Variants in KCNH1 observed in about 807,000 individuals in gnomAD.
The protein encoded by KCNH1 is potassium voltage-gated channel subfamily H member 1.
Under a neutral mutation model 69.2 loss-of-function variants are expected in KCNH1, and 27 were observed. The observed-to-expected ratio is 0.39, with a 90% CI of 0.29 to 0.54. The LOEUF (loss-of-function observed/expected upper bound fraction) is 0.54. Ranked by LOEUF, KCNH1 falls within the 20% of genes least tolerant of loss-of-function variation. KCNH1 has a pLI of 0.68. For synonymous variants in KCNH1, 456 were observed against 487.7 expected, an observed-to-expected ratio of 0.93 and a Z score of 0.86; for missense variants, 798 against 1,261.6, an observed-to-expected ratio of 0.63 and a Z score of 5.57.
At chr1:210,718,253 A>G (rs1413925295) in intron 10 of KCNH1, among the ~76,000 whole-genome samples, 1 of 40,932 alleles carries the variant, frequency 2.4e-5, no homozygotes, top group Non-Finnish European at 4.7e-5. Flanking sequence ...TAAGTCTTCT[A>G]TAAATATTAT....
chr1:211,072,291 A>G (rs1033266591), intron 5 of KCNH1, among the ~76,000 whole-genome samples: 2 of 152,178 alleles, frequency 1.3e-5, no homozygotes, highest in Non-Finnish European at 2.9e-5. Flanking sequence ...AAAAAAAGGA[A>G]AAATAGACTT....
intron 1 of KCNH1, among the ~76,000 whole-genome samples, chr1:211,123,856 A>C (rs904695581): frequency 2.6e-5 from 4 of 152,132 alleles, no homozygotes; most frequent in Admixed American, 2.6e-4. Flanking sequence ...GGAGATACAA[A>C]AAGAGAAGAA....
chr1:210,889,515 C>T (rs1391330795), intron 7 of KCNH1, among the ~76,000 whole-genome samples: 1 of 152,216 alleles, frequency 6.6e-6, no homozygotes, highest in Non-Finnish European at 1.5e-5. Flanking sequence ...TGCCCTCTCT[C>T]ACCACTCCTA....
At chr1:210,895,167 T>G (rs1558515333) in intron 7 of KCNH1, among the ~76,000 whole-genome samples, 1 of 151,998 alleles carries the variant, frequency 6.6e-6, no homozygotes, top group Non-Finnish European at 1.5e-5. Flanking sequence ...GTTTCCTTTT[T>G]TTTTTTTCAG....
intron 7 of KCNH1, chr1:210,862,250 C>T: frequency 1.9e-6 from 2 of 1,072,536 alleles, no homozygotes; most frequent in South Asian, 2.5e-5. Context: ...TCCATGGTGC[C>T]CCGCAGGGCC....
chr1:211,014,421 A>G (rs1019866759), intron 6 of KCNH1, among the ~76,000 whole-genome samples: 10 of 152,198 alleles, frequency 6.6e-5, no homozygotes, highest in African/African-American at 2.4e-4. Context: ...ACAGATTATT[A>G]CCAACAGACC....
chr1:210,732,667 T>G (rs970493673), intron 10 of KCNH1, among the ~76,000 whole-genome samples: 6 of 152,338 alleles, frequency 3.9e-5, no homozygotes, highest in African/African-American at 1.4e-4. Context: ...CTCACACTTC[T>G]GGAGGCTGGG....
At chr1:210,931,495 T>C (rs909642452) in intron 6 of KCNH1, among the ~76,000 whole-genome samples, 1 of 151,922 alleles carries the variant, frequency 6.6e-6, no homozygotes, top group Non-Finnish European at 1.5e-5. Flanking sequence ...GAATGATACA[T>C]TGGACTTTGG....
intron 7 of KCNH1, among the ~76,000 whole-genome samples, chr1:210,873,526 T>C (rs1315128147): frequency 1.3e-5 from 2 of 151,930 alleles, no homozygotes; most frequent in African/African-American, 4.8e-5. Context: ...TTTTTTTTAC[T>C]TTTTGTAGAG....
intron 7 of KCNH1, among the ~76,000 whole-genome samples, chr1:210,844,827 C>T (rs1358730327): frequency 6.6e-6 from 1 of 152,062 alleles, no homozygotes; most frequent in Non-Finnish European, 1.5e-5. Flanking sequence ...TGATAGATCG[C>T]TAGCAAGACT....
At chr1:211,124,573 C>T (rs1291991427) in intron 1 of KCNH1, among the ~76,000 whole-genome samples, 3 of 152,064 alleles carry the variant, frequency 2.0e-5, no homozygotes, top group East Asian at 3.9e-4. Context: ...GCCGAGATCG[C>T]GCCACTGCAC....
In KCNH1 at chr1:210,760,792, T is replaced by C. The variant is rs1044907384; in HGVS notation, c.2112+14556A>G. Among the ~76,000 whole-genome samples, 5 of 152,170 alleles carry C rather than the reference T, an allele frequency of 3.3e-5. No homozygotes were observed. The East Asian group carries it at 9.7e-4, about 29-fold the overall frequency. On this transcript the variant is annotated intron_variant, in intron 10 of 10. Transcript: ENST00000271751. ...AAACCATCAGATCTCATGAGACTTA[T>C]TCACTATCATGAGAACAGCAAGGGA... is the stretch of plus-strand genomic sequence containing the variant.
At chr1:210,720,793 T>C (rs146537209) in intron 10 of KCNH1, among the ~76,000 whole-genome samples, 76 of 152,314 alleles carry the variant, frequency 5.0e-4, no homozygotes, top group African/African-American at 1.7e-3. Flanking sequence ...TAACCAGGGA[T>C]AGGAGCAATT....
chr1:211,040,413 G>A (rs1446444822), intron 5 of KCNH1, among the ~76,000 whole-genome samples: 1 of 152,080 alleles, frequency 6.6e-6, no homozygotes, highest in African/African-American at 2.4e-5. Context: ...TCGTGATAGT[G>A]AATAAGTTTC....
chr1:210,943,884 A>T (rs1393822798), intron 6 of KCNH1, among the ~76,000 whole-genome samples: 1 of 152,202 alleles, frequency 6.6e-6, no homozygotes, highest in Non-Finnish European at 1.5e-5. Context: ...CCAGGGCAGT[A>T]CCTGTGTACA....
At chr1:211,066,978 T>G (rs1201350953) in intron 5 of KCNH1, among the ~76,000 whole-genome samples, 1 of 151,626 alleles carries the variant, frequency 6.6e-6, no homozygotes, top group Non-Finnish European at 1.5e-5. Flanking sequence ...TATCTCAGAT[T>G]ACATCTTGAC....
intron 10 of KCNH1, among the ~76,000 whole-genome samples, chr1:210,740,902 G>GC (rs1047882244): frequency 2.0e-5 from 3 of 151,988 alleles, no homozygotes; most frequent in African/African-American, 7.3e-5. Flanking sequence ...ATCAGGTAAA[G>GC]CCAGCTCCAG....
At chr1:210,698,305 C>T (rs1385562932) in intron 10 of KCNH1, among the ~76,000 whole-genome samples, 1 of 152,142 alleles carries the variant, frequency 6.6e-6, no homozygotes, top group African/African-American at 2.4e-5. Flanking sequence ...TTCTGACCAC[C>T]ATGGGCTGGT....
At chr1:211,118,188 G>A (rs1479087876) in intron 1 of KCNH1, among the ~76,000 whole-genome samples, 2 of 152,146 alleles carry the variant, frequency 1.3e-5, no homozygotes, top group African/African-American at 4.8e-5. Flanking sequence ...GCCTAAATGT[G>A]TCTTTGAAAA....
Sources: gnomAD v4.1 joint callset for allele counts (sites outside exome capture counted in the v4.1 genomes callset) on GRCh38, gnomAD v4.1.1 for gene constraint, MANE v1.5 for transcripts, NCBI Gene and HGNC (gene_info 2026-07-23, HGNC 2026-07-21) for gene names.